Variants in TMEM132C observed in about 807,000 individuals in gnomAD.
TMEM132C encodes the protein protein phosphatase 1, regulatory subunit 152.
TMEM132C carries 29 observed loss-of-function variants against 61.4 expected under a neutral mutation model. That is an observed-to-expected ratio of 0.47 (90% confidence interval 0.35 to 0.64). The LOEUF is 0.64. Among genes scored for constraint, TMEM132C ranks in the 30% least tolerant of loss-of-function variants. The probability of loss-of-function intolerance (pLI) is 0.00; values close to 1 mark genes in which losing one functional copy is unlikely to be tolerated. For missense variants in TMEM132C, 1,408 were observed against 1,476.9 expected (o/e 0.95, Z 0.76); for synonymous variants, 656 against 633.1 (o/e 1.04, Z -0.54).
At chr12:128,274,872 A>T (rs1870632036) in intron 1 of TMEM132C, among the ~76,000 whole-genome samples, 1 of 151,612 alleles carries the variant, frequency 6.6e-6, no homozygotes, top group African/African-American at 2.4e-5. Flanking sequence ...TACTGTTTAA[A>T]AGCTCTTCAG....
At chr12:128,423,657 C>G (rs911732160) in intron 2 of TMEM132C, among the ~76,000 whole-genome samples, 2 of 151,798 alleles carry the variant, frequency 1.3e-5, no homozygotes, top group African/African-American at 4.8e-5. Context: ...ATTGTGTGAA[C>G]CCAGGAGTTC....
At chr12:128,513,355 A>T (rs934228852) in intron 2 of TMEM132C, among the ~76,000 whole-genome samples, 3 of 152,140 alleles carry the variant, frequency 2.0e-5, no homozygotes, top group Non-Finnish European at 4.4e-5. Flanking sequence ...CTGTGCCAGG[A>T]ATGAAAATCA....
chr12:128,286,586 A>T (rs1370863777), intron 1 of TMEM132C, among the ~76,000 whole-genome samples: 1 of 152,212 alleles, frequency 6.6e-6, no homozygotes, highest in African/African-American at 2.4e-5. Flanking sequence ...GCAAAATAAA[A>T]AATTGTTAAA....
chr12:128,699,769 G>A (rs938558745), intron 8 of TMEM132C, among the ~76,000 whole-genome samples: 2 of 152,144 alleles, frequency 1.3e-5, no homozygotes, highest in East Asian at 1.9e-4. Flanking sequence ...GGGAACTGGC[G>A]CAGAACATCT....
intron 2 of TMEM132C, among the ~76,000 whole-genome samples, chr12:128,442,564 A>T (rs950288569): frequency 6.6e-6 from 1 of 151,546 alleles, no homozygotes; most frequent in African/African-American, 2.4e-5. Context: ...TCTGGCCTGG[A>T]CTTTTTGTAA....
At position 128,318,461 on chromosome 12, in the gene TMEM132C, T is replaced by C. The variant is rs1053610471; in HGVS notation, c.85+50974T>C. ...ACTCCCCTAGAGGACTAATTTGACT[T>C]GCTAAAGGCTTTTGCACGAGAACAA... On this transcript the variant is annotated intron_variant, in intron 1 of 8. Transcript: ENST00000435159. Among the ~76,000 whole-genome samples, 20 of 152,216 alleles carry C rather than the reference T, an allele frequency of 1.3e-4. 1 individual carries two copies. Among genetic ancestry groups the C allele is most frequent in the African/African-American group, 4.8e-4 (20 of 41,460 alleles).
intron 1 of TMEM132C, among the ~76,000 whole-genome samples, chr12:128,322,772 C>G (rs1872375178): frequency 6.6e-6 from 1 of 152,212 alleles, no homozygotes; most frequent in South Asian, 2.1e-4. Flanking sequence ...GGAATAATCT[C>G]TAGCCAAAAC....
intron 2 of TMEM132C, among the ~76,000 whole-genome samples, chr12:128,499,633 A>T (rs915933861): frequency 6.6e-6 from 1 of 152,176 alleles, no homozygotes; most frequent in African/African-American, 2.4e-5. Context: ...GAATGAGAAC[A>T]TGCAATATTT....
intron 3 of TMEM132C, among the ~76,000 whole-genome samples, chr12:128,544,330 C>G (rs11615025): frequency 2.6e-5 from 4 of 152,130 alleles, no homozygotes; most frequent in Admixed American, 2.0e-4. Context: ...GCTTTGGAGC[C>G]GGGTGAGCTC....
intron 2 of TMEM132C, among the ~76,000 whole-genome samples, chr12:128,531,466 A>G (rs1009333147): frequency 6.6e-6 from 1 of 152,272 alleles, no homozygotes; most frequent in African/African-American, 2.4e-5. Flanking sequence ...GTGGCTGTCC[A>G]TCTTGGTCAA....
chr12:128,342,830 C>T (rs554542756), intron 1 of TMEM132C, among the ~76,000 whole-genome samples: 25 of 152,328 alleles, frequency 1.6e-4, no homozygotes, highest in East Asian at 7.7e-4. Context: ...GCTTCCCCTC[C>T]GCCCTTTGAA....
chr12:128,451,487 G>A lies in TMEM132C; in HGVS notation c.974+35867G>A, dbSNP rs368903635. On this transcript the variant is annotated intron_variant, in intron 2 of 8. Transcript: ENST00000435159. The stretch of plus-strand genomic sequence containing the variant: ...GGCAGGAAAGAGGGCTGCATATTTT[G>A]TGAGGTTCATTAATCAACCCATTAT... 1.5e-4 allele frequency among the ~76,000 whole-genome samples: 23 copies of A among 152,144 alleles called. 2 individuals carry two copies. The East Asian group carries it at 1.7e-3, about 11-fold the overall frequency.
chr12:128,523,651 A>G (rs977387974), intron 2 of TMEM132C, among the ~76,000 whole-genome samples: 2 of 152,050 alleles, frequency 1.3e-5, no homozygotes, highest in Admixed American at 6.5e-5. Flanking sequence ...TTGAAAAGGG[A>G]TGTTCTTTCC....
At chr12:128,473,440 ATCTTTATCCTCACGCCAGCCTCTG>A (rs1871042774) in intron 2 of TMEM132C, among the ~76,000 whole-genome samples, 2 of 144,454 alleles carry the variant, frequency 1.4e-5, no homozygotes, top group Non-Finnish European at 3.0e-5. Flanking sequence ...TCCAGCCTCT[ATCTTTATCCTCACGCCAGCCTCTG>A]TCTTCATCTG....
At chr12:128,572,065 T>C (rs1208159012) in intron 3 of TMEM132C, among the ~76,000 whole-genome samples, 3 of 151,816 alleles carry the variant, frequency 2.0e-5, no homozygotes, top group Non-Finnish European at 4.4e-5. Context: ...TCTGCTAGTC[T>C]CTGATTGGCC....
intron 3 of TMEM132C, among the ~76,000 whole-genome samples, chr12:128,597,935 AG>A (rs894199080): frequency 4.8e-4 from 73 of 152,308 alleles, no homozygotes; most frequent in African/African-American, 1.7e-3. Flanking sequence ...CAGAGGTCCC[AG>A]GGTAGCTGGA....
chr12:128,646,309 C>T (rs1178692999), intron 4 of TMEM132C, among the ~76,000 whole-genome samples: 7 of 149,564 alleles, frequency 4.7e-5, no homozygotes, highest in Middle Eastern at 3.6e-3. Context: ...AGTCCATCAG[C>T]GTTGGATGTG....
At chr12:128,457,636 T>C (rs1347502488) in intron 2 of TMEM132C, among the ~76,000 whole-genome samples, 1 of 151,796 alleles carries the variant, frequency 6.6e-6, no homozygotes, top group Non-Finnish European at 1.5e-5. Flanking sequence ...TTTATTTAGC[T>C]CTCAAAGCCA....
At chr12:128,495,093 G>A (rs1354644946) in intron 2 of TMEM132C, among the ~76,000 whole-genome samples, 6 of 143,770 alleles carry the variant, frequency 4.2e-5, no homozygotes, top group African/African-American at 7.6e-5. Flanking sequence ...CCTTCATTTC[G>A]TTATGTACCC....
Sources: allele counts gnomAD v4.1 joint callset (sites outside exome capture counted in the v4.1 genomes callset), GRCh38; gene constraint gnomAD v4.1.1; transcripts MANE v1.5; gene names NCBI Gene and HGNC (gene_info 2026-07-23, HGNC 2026-07-21).